Variants in NCOR2 observed in about 807,000 individuals in gnomAD.
NCOR2 encodes CTG repeat protein 26.
Under a neutral mutation model 262.9 loss-of-function variants are expected in NCOR2, and 81 were observed. The observed-to-expected ratio is 0.31, with a 90% CI of 0.26 to 0.37. NCOR2 has a LOEUF of 0.37. NCOR2 is among the 10% of genes least tolerant of loss of function. The pLI is 1.00. For missense variants in NCOR2, 3,385 were observed against 3,621.4 expected, an observed-to-expected ratio of 0.93 and a Z score of 1.68; for synonymous variants, 1,659 against 1,559.3, an observed-to-expected ratio of 1.06 and a Z score of -1.51.
chr12:124,534,187 T>G (rs1441572487), intron 1 of NCOR2, among the ~76,000 whole-genome samples: 1 of 152,184 alleles, frequency 6.6e-6, no homozygotes, highest in Non-Finnish European at 1.5e-5. Context: ...CTGGGCTTGG[T>G]GGCTCACACC....
chr12:124,392,286 G>A (rs1440811556), intron 16 of NCOR2, among the ~76,000 whole-genome samples: 4 of 152,168 alleles, frequency 2.6e-5, no homozygotes, highest in African/African-American at 7.2e-5. Context: ...GTGTCTGGCT[G>A]TACCCCAAGT....
At chr12:124,500,924 C>T (rs1016945466) in intron 1 of NCOR2, among the ~76,000 whole-genome samples, 2 of 152,078 alleles carry the variant, frequency 1.3e-5, no homozygotes, top group Admixed American at 1.3e-4. Context: ...CGGGGCTCTG[C>T]GCCGCACGTG....
At chr12:124,350,705 G>A in exon 28 of NCOR2, 1 of 1,613,258 alleles carries the variant, frequency 6.2e-7, no homozygotes, top group East Asian at 2.2e-5. Context: ...TCCTGGTGAT[G>A]GTGCCCTTGT....
rs183355851 is a variant in NCOR2, at chr12:124,332,507, C to G, written c.6756-40G>C. 7 of 1,613,050 alleles carry G rather than the reference C, an allele frequency of 4.3e-6. No individual in the cohort carries two copies. The Admixed American group carries it at 8.3e-5, about 19-fold the overall frequency. On this transcript the variant is annotated intron_variant, in intron 42 of 46. Transcript: ENST00000405201. ...CACCTCACATCAGCTCACTTGGTGC[C>G]GAGCTTGCATGCCTTTGATGATGGG...
intron 17 of NCOR2, among the ~76,000 whole-genome samples, chr12:124,382,009 G>T (rs142678307): frequency 2.0e-5 from 3 of 152,214 alleles, no homozygotes; most frequent in Non-Finnish European, 4.4e-5. Flanking sequence ...GGCGGGAGGG[G>T]ACACCCACTG....
In NCOR2 at chr12:124,549,610, G is replaced by A. The variant is rs1420972471; in HGVS notation, c.-164-13999C>T. Among the ~76,000 whole-genome samples, 12 of 152,102 alleles carry A rather than the reference G, an allele frequency of 7.9e-5. No homozygotes were observed. In the South Asian group the frequency reaches 2.3e-3, roughly 29 times the overall value. ...CACACATCATGGGCTCATCATCACA[G>A]CCACAGTGACTCCTGACTCCCCACT... On this transcript the variant is annotated intron_variant, in intron 1 of 32. Coordinates refer to the NCOR2 transcript ENST00000458234. This position sits in a 1 kb window ranked among gnomAD's most constrained non-coding sequence, Gnocchi z 4.4.
At chr12:124,334,655 T>A in intron 40 of NCOR2, 38 bp from the exon 43 acceptor site, 2 of 994,520 alleles carry the variant, frequency 2.0e-6, no homozygotes, top group Non-Finnish European at 2.7e-6. Context: ...CAGGCAGCAC[T>A]CTCCTGACAG....
chr12:124,445,771 G>A (rs190812473), intron 7 of NCOR2, among the ~76,000 whole-genome samples: 21 of 152,338 alleles, frequency 1.4e-4, no homozygotes, highest in Non-Finnish European at 2.5e-4. Context: ...TCTCCTAGAG[G>A]CCCAGAACAG....
At chr12:124,348,092 C>T (rs1737021793) in intron 29 of NCOR2, 82 bp downstream of exon 31, 1 of 1,587,904 alleles carries the variant, frequency 6.3e-7, no homozygotes, top group Non-Finnish European at 8.5e-7. Flanking sequence ...GCCTCGGTTT[C>T]CCCATCTGTA....
rs1021568738 is a variant in NCOR2 at position 124,566,348 on chromosome 12, C to A, written c.-165+960G>T. Reference sequence around the variant, plus strand: ...GGACACTCGCTTCCAAAAAAATAAACCTACAATGTAAAAATAACGCCGGGC... The same window carrying A: ...GGACACTCGCTTCCAAAAAAATAAAACTACAATGTAAAAATAACGCCGGGC... On this transcript the variant is annotated intron_variant, in intron 1 of 32. Transcript: ENST00000458234. This position sits in a 1 kb window ranked among gnomAD's most constrained non-coding sequence, Gnocchi z 4.3. Among the ~76,000 whole-genome samples, 1 of 152,188 alleles carries A rather than the reference C, an allele frequency of 6.6e-6. No individual in the cohort carries two copies. The highest frequency in any genetic ancestry group is 2.4e-5 in the African/African-American group (1 of 41,442).
intron 23 of NCOR2, among the ~76,000 whole-genome samples, 187 bp downstream of exon 25, chr12:124,356,455 C>T (rs901480057): frequency 1.7e-4 from 26 of 152,210 alleles, no homozygotes; most frequent in Non-Finnish European, 3.7e-4. Flanking sequence ...CCAGTGGCTT[C>T]CATCTCAACC....
intron 20 of NCOR2, among the ~76,000 whole-genome samples, chr12:124,365,079 G>A (rs1297649443): frequency 6.6e-6 from 1 of 152,146 alleles, no homozygotes; most frequent in Non-Finnish European, 1.5e-5. Context: ...ACGTTTGGGG[G>A]TATGGAAGCA....
At chr12:124,424,296 C>G (rs2043403092) in intron 11 of NCOR2, among the ~76,000 whole-genome samples, 1 of 152,126 alleles carries the variant, frequency 6.6e-6, no homozygotes, top group African/African-American at 2.4e-5. Flanking sequence ...TTCAGTAATT[C>G]TTAACACCCG....
intron 13 of NCOR2, among the ~76,000 whole-genome samples, chr12:124,416,205 G>C (rs2136271514): frequency 6.6e-6 from 1 of 151,922 alleles, no homozygotes; most frequent in East Asian, 1.9e-4. Flanking sequence ...TATCGAGTTT[G>C]CACTTCTATT....
At chr12:124,350,889 T>C in intron 27 of NCOR2, 152 bp from the exon 30 acceptor site, 2 of 833,500 alleles carry the variant, frequency 2.4e-6, no homozygotes, top group Non-Finnish European at 3.6e-6. Flanking sequence ...AGAGTTTGCA[T>C]GGAACAAAAC....
At position 124,383,350 on chromosome 12, in the gene NCOR2, T is replaced by C. The variant is rs542120340; in HGVS notation, c.2019+2395A>G. 1.8e-4 allele frequency: 38 copies of C among 215,442 alleles called. 1 individual carries two copies. Among genetic ancestry groups the C allele is most frequent in the Non-Finnish European group, 2.3e-4 (25 of 109,714 alleles). 13.3% of individuals were successfully genotyped at this position (215,442 alleles called of 1,614,324 possible). ...CCCAACCCATAGCACACTGTGGCTG[T>C]GCCTGCACGCACCGTTCAAGAGGCG... On this transcript the variant is annotated intron_variant, in intron 17 of 46. Transcript: ENST00000405201.
chr12:124,470,775 G>T (rs1000343384), intron 4 of NCOR2, among the ~76,000 whole-genome samples: 1 of 152,252 alleles, frequency 6.6e-6, no homozygotes, highest in Non-Finnish European at 1.5e-5. Context: ...AAATGCCACT[G>T]AATTGTGCAC....
At chr12:124,336,508 G>A in intron 38 of NCOR2, 1 of 1,087,036 alleles carries the variant, frequency 9.2e-7, no homozygotes, top group East Asian at 3.6e-5. Context: ...GTGCAAACCG[G>A]CGAGGACGGA....
chr12:124,484,962 G>A (rs1225754077), intron 2 of NCOR2, among the ~76,000 whole-genome samples: 3 of 152,276 alleles, frequency 2.0e-5, no homozygotes, highest in African/African-American at 7.2e-5. Flanking sequence ...TGGCCCCCCC[G>A]GGGAGCGGGG....
Sources: allele counts gnomAD v4.1 joint callset (sites outside exome capture counted in the v4.1 genomes callset), GRCh38; gene constraint gnomAD v4.1.1; non-coding constraint Gnocchi (gnomAD v3.1); transcripts MANE v1.5; gene names NCBI Gene and HGNC (gene_info 2026-07-23, HGNC 2026-07-21).